KNL1: variants seen among roughly 807,000 people sequenced by gnomAD.
KNL1 encodes kinetochore scaffold 1.
KNL1 carries 66 observed loss-of-function variants against 201.3 expected under a neutral mutation model. The observed-to-expected ratio is 0.33, with a 90% CI of 0.27 to 0.40. The LOEUF is 0.40. Among genes scored for constraint, KNL1 ranks in the 10% least tolerant of loss-of-function variants. KNL1 has a pLI of 1.00. For synonymous variants in KNL1, 895 were observed against 899.2 expected (o/e 1.00, Z 0.08); for missense variants, 2,815 against 2,690.5 (o/e 1.05, Z -1.02).
intron 17 of KNL1, among the ~76,000 whole-genome samples, chr15:40,647,403 T>C (rs547155770): frequency 1.3e-5 from 2 of 151,742 alleles, no homozygotes; most frequent in Non-Finnish European, 2.9e-5. Context: ...GAACCCAGGA[T>C]GTGCAGGTTG....
chr15:40,596,601 C>T (rs117446933), intron 1 of KNL1, among the ~76,000 whole-genome samples: 1 of 151,708 alleles, frequency 6.6e-6, no homozygotes, highest in Non-Finnish European at 1.5e-5. Flanking sequence ...AATAATCACA[C>T]TTACTGATTG....
chr15:40,652,432 A>G (rs925564413), intron 21 of KNL1, among the ~76,000 whole-genome samples: 4 of 149,468 alleles, frequency 2.7e-5, no homozygotes, highest in Admixed American at 1.3e-4. Flanking sequence ...AGAATAGAGA[A>G]TTTACCCTAA....
chr15:40,599,862 A>G (rs1416230248), intron 1 of KNL1, among the ~76,000 whole-genome samples: 1 of 132,374 alleles, frequency 7.6e-6, no homozygotes, highest in Admixed American at 8.7e-5. Flanking sequence ...TACAGTAGCT[A>G]TTCACGGTTG....
chr15:40,622,516 A>G lies in KNL1; in HGVS notation c.2252A>G (p.Lys751Arg). 6.2e-7 allele frequency: 1 copy of G among 1,614,040 alleles called. No homozygotes were observed. The highest frequency in any genetic ancestry group is 8.5e-7 in the Non-Finnish European group (1 of 1,179,928). ...CCCACACCTGACTATTGCCATGACA[A>G]GATGATTATATGTTCAGAGGAAGAG... ...SNPTPDYCHDKMIICSEEEQN... is the reference protein window; with the variant it reads ...SNPTPDYCHDRMIICSEEEQN... Residue 751 changes from lysine (K) to arginine (R), a missense_variant, in exon 10 of 26, where the codon AAG becomes AGG. Coordinates refer to ENST00000399668, the MANE Select transcript of KNL1 (RefSeq NM_144508.5).
In KNL1 at chr15:40,606,310, T is replaced by C; in HGVS notation, c.76-83T>C. The C allele has an allele frequency of 3.7e-6, 3 of 812,774 alleles. No homozygotes were observed. The South Asian group carries it at 4.5e-5, about 12-fold the overall frequency. 50.3% of individuals were successfully genotyped at this position (812,774 alleles called of 1,614,324 possible). A position where few individuals can be genotyped will look rare whatever the true frequency, so the allele number is the denominator to read the frequency against. On this transcript the variant is annotated intron_variant, in intron 3 of 25. Transcript: ENST00000399668. ...GAGTTTTTAATGAAAATTTTAGCTT[T>C]CTACCTATGATATAACTTGAAATAA...
intron 10 of KNL1, 108 bp downstream of exon 10, chr15:40,625,748 A>G (rs753810172): frequency 2.1e-5 from 17 of 805,690 alleles, no homozygotes; most frequent in Non-Finnish European, 3.4e-5. Context: ...GTAGGCAGAA[A>G]ATAATTATTT....
At position 40,621,279 on chromosome 15, in the gene KNL1, A is replaced by G. The variant is rs754929072; in HGVS notation, c.1015A>G (p.Ile339Val). ...ILPATGNFSE[I>V]ENQTQNAMDV... Reference sequence around the variant, plus strand: ...ACCTGCAACAGGTAATTTTTCTGAAATAGAAAATCAAACTCAGAATGCCAT... The same window carrying G: ...ACCTGCAACAGGTAATTTTTCTGAAGTAGAAAATCAAACTCAGAATGCCAT... The change falls in exon 10 of 26, where the codon ATA (isoleucine) becomes GTA (valine). Residue 339 changes from isoleucine to valine, a missense_variant. By Grantham distance (29) the Ile-to-Val change is conservative. Transcript: ENST00000399668. 5.0e-6 allele frequency: 8 copies of G among 1,613,890 alleles called. No homozygotes were observed. Among genetic ancestry groups the G allele is most frequent in the African/African-American group, 1.3e-5 (1 of 74,940 alleles).
At chr15:40,626,168 T>C (rs1399396586) in intron 10 of KNL1, 1 of 152,320 alleles carries the variant, frequency 6.6e-6, no homozygotes, top group Non-Finnish European at 1.5e-5. Flanking sequence ...TTATTTTATT[T>C]TTGAGACAGA....
At chr15:40,639,920 T>G (rs1357003189) in intron 13 of KNL1, among the ~76,000 whole-genome samples, 3 of 151,256 alleles carry the variant, frequency 2.0e-5, no homozygotes, top group African/African-American at 7.3e-5. Flanking sequence ...ACAAAAAATT[T>G]TAAAATTAGC....
chr15:40,632,993 T>C (rs535308645), intron 13 of KNL1, among the ~76,000 whole-genome samples: 1 of 152,286 alleles, frequency 6.6e-6, no homozygotes, highest in South Asian at 2.1e-4. Context: ...GTAAGGACGT[T>C]TTGGTTAACA....
rs770849722 is a variant in KNL1, at chr15:40,610,249, TTCCA to T, written c.203_206del (p.Phe68Ter). ...AATCTTTATTTTCTCTTCTAGGGTATTCCAGACGGAGTCTCATATGAAAATAGTG... is the reference window on the plus strand; with the variant it reads ...AATCTTTATTTTCTCTTCTAGGGTATGACGGAGTCTCATATGAAAATAGTG... On this transcript the variant is annotated frameshift_variant, in exon 6 of 26. Coordinates refer to ENST00000399668, the MANE Select transcript of KNL1 (RefSeq NM_144508.5). LOFTEE classifies it high-confidence loss of function. The T allele has an allele frequency of 6.8e-7, 1 of 1,478,374 alleles. No homozygotes were observed. Among genetic ancestry groups the T allele is most frequent in the East Asian group, 2.3e-5 (1 of 44,158 alleles). The allele number at this position is 1,478,374 out of a possible 1,614,324, so 91.6% of individuals were successfully genotyped here.
chr15:40,604,024 G>T (rs940169103), intron 2 of KNL1, among the ~76,000 whole-genome samples: 1 of 152,086 alleles, frequency 6.6e-6, no homozygotes, highest in Non-Finnish European at 1.5e-5. Flanking sequence ...TTTTGCCCCA[G>T]ACCTGTTTTA....
chr15:40,657,604 C>G, intron 24 of KNL1, 131 bp downstream of exon 24: 1 of 585,814 alleles, frequency 1.7e-6, no homozygotes, highest in Middle Eastern at 4.6e-4. Context: ...CTGTTAGAAT[C>G]TGTCCATGCC....
At chr15:40,642,423 G>T (rs77553238) in intron 14 of KNL1, among the ~76,000 whole-genome samples, 4 of 151,644 alleles carry the variant, frequency 2.6e-5, no homozygotes, top group Non-Finnish European at 2.9e-5. Flanking sequence ...AAAGAATTAC[G>T]TAGTTTTAAA....
chr15:40,610,116 A>G, intron 5 of KNL1, 129 bp from the exon 6 acceptor site: 1 of 580,842 alleles, frequency 1.7e-6, no homozygotes, highest in Non-Finnish European at 3.1e-6. Context: ...CTAGGAGTAT[A>G]TGGCATAGCA....
rs1418713678 is a variant in KNL1, at chr15:40,652,121, G to A, written c.6415+16G>A. On this transcript the variant is annotated intron_variant, in intron 21 of 25. Transcript: ENST00000399668. ...GAGTCAGTTGGTAAGGAGCCAAAGT[G>A]AGATAATTCTTTTACAGAAAAATGA... 2 of 1,545,492 alleles carry A rather than the reference G, an allele frequency of 1.3e-6. No individual in the cohort carries two copies. Among genetic ancestry groups the A allele is most frequent in the Admixed American group, 1.7e-5 (1 of 59,540 alleles).
At position 40,639,882 on chromosome 15, in the gene KNL1, C is replaced by T. The variant is rs754156020; in HGVS notation, c.5683-1030C>T. Among the ~76,000 whole-genome samples the T allele has an allele frequency of 4.0e-5, 6 of 151,864 alleles. No individual in the cohort carries two copies. In the South Asian group the frequency reaches 6.3e-4, roughly 16 times the overall value. On this transcript the variant is annotated intron_variant, in intron 13 of 25. Coordinates refer to ENST00000399668, the MANE Select transcript of KNL1 (RefSeq NM_144508.5). Reference sequence around the variant, plus strand: ...TTGAGGCCAGGAATTCGAAACTATCCGGGGCAACATAGCAAGACCCCATCT... The same window carrying T: ...TTGAGGCCAGGAATTCGAAACTATCTGGGGCAACATAGCAAGACCCCATCT...
At position 40,624,463 on chromosome 15, in the gene KNL1, C is replaced by T; in HGVS notation, c.4199C>T (p.Ala1400Val). The change falls in exon 10 of 26, where the codon GCT becomes GTT. Residue 1400 changes from alanine (A) to valine (V), a missense_variant. By Grantham distance (64) the Ala-to-Val change is moderately conservative. Transcript: ENST00000399668. ...DLIKDPRNLL[A>V]NQTLVYSQDL... The stretch of plus-strand genomic sequence containing the variant: ...ATTAAGGATCCACGAAATCTATTGG[C>T]TAATCAAACTTTAGTATATAGTCAA... 1 of 1,613,586 alleles carries T rather than the reference C, an allele frequency of 6.2e-7. No homozygotes were observed. Among genetic ancestry groups the T allele is most frequent in the Non-Finnish European group, 8.5e-7 (1 of 1,179,758 alleles).
At chr15:40,605,183 G>A (rs1891933783) in intron 3 of KNL1, 34 bp downstream of exon 3, 2 of 1,215,924 alleles carry the variant, frequency 1.6e-6, no homozygotes, top group South Asian at 2.4e-5. Flanking sequence ...ATAATTGTCA[G>A]CTTTTATTTA....
Sources: allele counts gnomAD v4.1 joint callset (sites outside exome capture counted in the v4.1 genomes callset), GRCh38; gene constraint gnomAD v4.1.1; transcripts MANE v1.5; gene names NCBI Gene and HGNC (gene_info 2026-07-23, HGNC 2026-07-21).